Variants in RIC1 observed in about 807,000 individuals in gnomAD.
The protein encoded by RIC1 is guanine nucleotide exchange factor subunit RIC1.
RIC1 carries 88 observed loss-of-function variants against 169.0 expected under a neutral mutation model. The observed-to-expected ratio is 0.52, with a 90% CI of 0.44 to 0.62. The LOEUF (loss-of-function observed/expected upper bound fraction) is 0.62. Among genes scored for constraint, RIC1 ranks in the 20% least tolerant of loss-of-function variants. RIC1 has a pLI of 0.00. For synonymous variants in RIC1, 790 were observed against 601.5 expected, an observed-to-expected ratio of 1.31 and a Z score of -4.59; for missense variants, 1,877 against 1,725.5, an observed-to-expected ratio of 1.09 and a Z score of -1.56.
chr9:5,769,422 A>G (rs762325389), intron 22 of RIC1, 166 bp downstream of exon 22: 1 of 1,544,104 alleles, frequency 6.5e-7, no homozygotes, highest in Admixed American at 2.0e-5. Flanking sequence ...TGTTTGACCA[A>G]AGATGTAAAT....
At position 5,774,304 on chromosome 9, in the gene RIC1, C is replaced by T. The variant is rs576730435; in HGVS notation, c.*58C>T. 7 of 1,429,542 alleles carry T rather than the reference C, an allele frequency of 4.9e-6. No homozygotes were observed. Among genetic ancestry groups the T allele is most frequent in the South Asian group, 4.2e-5 (3 of 71,314 alleles). The allele number at this position is 1,429,542 out of a possible 1,614,324, so 88.6% of individuals were successfully genotyped here. ...ATTAGCAGCAGCGTGCAGCTCAGTACGTTGTAACATAGTTGGATGATTTAA... is the reference window on the plus strand; with the variant it reads ...ATTAGCAGCAGCGTGCAGCTCAGTATGTTGTAACATAGTTGGATGATTTAA... On this transcript the variant is annotated 3_prime_UTR_variant, in exon 26 of 26. Coordinates refer to ENST00000414202, the MANE Select transcript of RIC1 (RefSeq NM_020829.4).
Position 5,663,889 on chromosome 9 carries a change from T to C in RIC1, c.252+7199T>C, listed in dbSNP as rs534709565. Among the ~76,000 whole-genome samples, 20 of 152,356 alleles carry C rather than the reference T, an allele frequency of 1.3e-4. No homozygotes were observed. The South Asian group carries it at 4.1e-3, about 32-fold the overall frequency. On this transcript the variant is annotated intron_variant, in intron 2 of 25. Transcript: ENST00000414202. ...TTATTTTGCAGACTTATGTGGTTCC[T>C]TCATAGTGTCACTGATCTGTTTACT...
At chr9:5,659,508 C>T (rs952878527) in intron 2 of RIC1, among the ~76,000 whole-genome samples, 1 of 152,128 alleles carries the variant, frequency 6.6e-6, no homozygotes, top group African/African-American at 2.4e-5. Flanking sequence ...TATTCTGAGC[C>T]AGTCCCTAAG....
chr9:5,684,137 G>C (rs868582028), intron 2 of RIC1, among the ~76,000 whole-genome samples: 1 of 151,956 alleles, frequency 6.6e-6, no homozygotes, highest in Non-Finnish European at 1.5e-5. Context: ...CGCACAGTGC[G>C]CTGCACCCAC....
chr9:5,633,689 A>G (rs1774308753), intron 1 of RIC1, among the ~76,000 whole-genome samples: 1 of 152,170 alleles, frequency 6.6e-6, no homozygotes, highest in South Asian at 2.1e-4. Context: ...TAATTAACAG[A>G]TCCACCATCT....
intron 3 of RIC1, among the ~76,000 whole-genome samples, chr9:5,701,129 C>T (rs1266844877): frequency 6.6e-6 from 1 of 152,078 alleles, no homozygotes; most frequent in East Asian, 1.9e-4. Flanking sequence ...TTGTTATCAC[C>T]CATTTGTGGT....
intron 2 of RIC1, among the ~76,000 whole-genome samples, chr9:5,659,683 T>C (rs78054474): frequency 0.019 from 2,859 of 152,340 alleles, 34 homozygotes; most frequent in Non-Finnish European, 0.029. Flanking sequence ...CTTCAATTTC[T>C]GTAAGGAGTG....
At chr9:5,713,839 G>T in intron 3 of RIC1, 57 bp from the exon 4 acceptor site, 2 of 1,122,266 alleles carry the variant, frequency 1.8e-6, no homozygotes, top group Non-Finnish European at 2.7e-6. Flanking sequence ...ATGTGTATTA[G>T]CCACAGAATG....
chr9:5,651,799 C>G (rs1367822420), intron 1 of RIC1, among the ~76,000 whole-genome samples: 1 of 152,042 alleles, frequency 6.6e-6, no homozygotes, highest in Non-Finnish European at 1.5e-5. Context: ...AACTCCTGAT[C>G]TCAAGTGATC....
rs941908728 is a variant in RIC1, at chr9:5,768,913, G to T, written c.3138-57G>T. ...TTTATCAGTACCTCTGCGTAATAAG[G>T]ATGTGAAATCCTCCAGTAAAGATTA... is the stretch of plus-strand genomic sequence containing the variant. On this transcript the variant is annotated intron_variant, in intron 21 of 25. Coordinates refer to ENST00000414202, the MANE Select transcript of RIC1 (RefSeq NM_020829.4). The T allele has an allele frequency of 3.3e-6, 5 of 1,532,638 alleles. No individual in the cohort carries two copies. In the Admixed American group the frequency reaches 6.2e-5, roughly 19 times the overall value. The allele number at this position is 1,532,638 out of a possible 1,614,324, so 94.9% of individuals were successfully genotyped here. A position where few individuals can be genotyped will look rare whatever the true frequency, so the allele number is the denominator to read the frequency against.
intron 23 of RIC1, among the ~76,000 whole-genome samples, chr9:5,771,441 G>A (rs187566328): frequency 6.6e-6 from 1 of 152,056 alleles, no homozygotes; most frequent in Non-Finnish European, 1.5e-5. Context: ...ATGGACACTT[G>A]GGTTGCTTTT....
intron 6 of RIC1, among the ~76,000 whole-genome samples, chr9:5,722,773 G>GT (rs1823688072): frequency 6.6e-6 from 1 of 151,200 alleles, no homozygotes; most frequent in Admixed American, 6.6e-5. Context: ...TGTTCTCATT[G>GT]TTCAATTCCC....
intron 3 of RIC1, 56 bp from the exon 4 acceptor site, chr9:5,713,840 C>A: frequency 1.7e-6 from 2 of 1,153,170 alleles, no homozygotes; most frequent in Non-Finnish European, 2.6e-6. Flanking sequence ...TGTGTATTAG[C>A]CACAGAATGG....
chr9:5,770,297 C>T lies in RIC1; in HGVS notation c.3616+19C>T. 1.9e-6 allele frequency: 3 copies of T among 1,598,470 alleles called. No homozygotes were observed. In the South Asian group the frequency reaches 3.3e-5, roughly 18 times the overall value. ...AATAAAGGTAAATGTAATTTTAAAT[C>T]CTAGCTCTTCAGTTCCTTTGAAGAA... On this transcript the variant is annotated intron_variant, in intron 23 of 25. Coordinates refer to ENST00000414202, the MANE Select transcript of RIC1 (RefSeq NM_020829.4).
At chr9:5,755,073 G>A (rs75864423) in intron 15 of RIC1, 143 bp downstream of exon 15, 10,700 of 463,680 alleles carry the variant, frequency 0.023, 846 homozygotes, top group African/African-American at 0.18. Context: ...TTTAGGTAGT[G>A]GGATTTTCTT....
chr9:5,647,788 G>C (rs933365410), intron 1 of RIC1, among the ~76,000 whole-genome samples: 3 of 152,176 alleles, frequency 2.0e-5, no homozygotes, highest in Non-Finnish European at 4.4e-5. Context: ...ACGTTGAATG[G>C]AAGTGGTAAG....
chr9:5,654,278 C>T (rs1237955165), intron 1 of RIC1, among the ~76,000 whole-genome samples: 2 of 151,890 alleles, frequency 1.3e-5, no homozygotes, highest in African/African-American at 2.4e-5. Flanking sequence ...TAGAGTCTCA[C>T]TCTTGCTACC....
chr9:5,710,559 G>C (rs1253682217), intron 3 of RIC1, among the ~76,000 whole-genome samples: 2 of 152,180 alleles, frequency 1.3e-5, no homozygotes, highest in African/African-American at 4.8e-5. Context: ...CAGACACGTA[G>C]TCACCTTTTT....
intron 1 of RIC1, among the ~76,000 whole-genome samples, chr9:5,637,603 TC>T (rs1818031930): frequency 6.6e-6 from 1 of 152,132 alleles, no homozygotes; most frequent in East Asian, 1.9e-4. Context: ...TCCCTTCCTA[TC>T]CCCCCAGTTA....
Sources: gnomAD v4.1 joint callset for allele counts (sites outside exome capture counted in the v4.1 genomes callset) on GRCh38, gnomAD v4.1.1 for gene constraint, MANE v1.5 for transcripts, NCBI Gene and HGNC (gene_info 2026-07-23, HGNC 2026-07-21) for gene names.